Variants in MMRN1 observed in about 807,000 individuals in gnomAD.
MMRN1 encodes the protein multimerin-1.
Under a neutral mutation model 100.7 loss-of-function variants are expected in MMRN1, and 94 were observed. The observed-to-expected ratio is 0.93, with a 90% CI of 0.79 to 1.11. MMRN1 has a LOEUF of 1.11. Ranked by LOEUF, MMRN1 falls within the 50% of genes least tolerant of loss-of-function variation. The pLI is 0.00. For missense variants in MMRN1, 1,606 were observed against 1,439.1 expected (o/e 1.12, Z -1.88); for synonymous variants, 575 against 505.0 (o/e 1.14, Z -1.86).
chr4:89,904,282 A>G (rs1324314732), intron 1 of MMRN1, among the ~76,000 whole-genome samples: 1 of 151,670 alleles, frequency 6.6e-6, no homozygotes, highest in African/African-American at 2.4e-5. Flanking sequence ...TTGTGGTAAA[A>G]TATACATTAA....
rs1160620196 is a variant in MMRN1 at position 89,926,318 on chromosome 4, A to AT, written c.956-1473dup. 6.6e-5 allele frequency among the ~76,000 whole-genome samples: 10 copies of AT among 152,252 alleles called. No individual in the cohort carries two copies. In the East Asian group the frequency reaches 1.9e-3, roughly 29 times the overall value. On this transcript the variant is annotated intron_variant, in intron 4 of 7. Coordinates refer to ENST00000264790, the MANE Select transcript of MMRN1 (RefSeq NM_007351.3). The stretch of plus-strand genomic sequence containing the variant: ...ATTTCCTGTCCTTTGGATATAAGCC[A>AT]TTTTAACTGAGGTGAGATGATATCG...
intron 2 of MMRN1, among the ~76,000 whole-genome samples, chr4:89,909,728 C>T (rs1721688160): frequency 1.3e-5 from 2 of 151,362 alleles, no homozygotes; most frequent in Admixed American, 1.3e-4. Context: ...TCCTTAATTG[C>T]TTATGAATTT....
At chr4:89,887,099 CAT>C (rs879738346) in intron 1 of MMRN1, among the ~76,000 whole-genome samples, 5 of 152,068 alleles carry the variant, frequency 3.3e-5, no homozygotes, top group Middle Eastern at 3.4e-3. Flanking sequence ...TTAAAGAAAA[CAT>C]GTGTATGTTT....
chr4:89,926,123 C>T (rs1384632149), intron 4 of MMRN1, among the ~76,000 whole-genome samples: 12 of 152,010 alleles, frequency 7.9e-5, no homozygotes. Flanking sequence ...TACAGATTTC[C>T]TTTCTTTTGT....
At chr4:89,949,130 C>G (rs901261395) in intron 6 of MMRN1, among the ~76,000 whole-genome samples, 2 of 152,140 alleles carry the variant, frequency 1.3e-5, no homozygotes. Flanking sequence ...AAATAGCAGG[C>G]AGAATCCTTG....
In MMRN1 at chr4:89,923,239, G is replaced by A. The variant is rs1722147371; in HGVS notation, c.922G>A (p.Glu308Lys). ...TACAGCTGTTGGCAGAGGAGTAGCT[G>A]AGCAGCAGCAGCAGCAAGGCTGTGG... ...SHTAVGRGVAEQQQQQGCGDP... is the reference protein window; with the variant it reads ...SHTAVGRGVAKQQQQQGCGDP... Residue 308 changes from glutamate to lysine, a missense_variant, in exon 4 of 8, where the codon GAG (glutamate) becomes AAG (lysine). Physicochemically the swap from Glu to Lys is moderately conservative, Grantham distance 56. Coordinates refer to ENST00000264790, the MANE Select transcript of MMRN1 (RefSeq NM_007351.3). The A allele has an allele frequency of 6.2e-7, 1 of 1,613,656 alleles. No homozygotes were observed. Among genetic ancestry groups the A allele is most frequent in the African/African-American group, 1.3e-5 (1 of 74,908 alleles).
upstream of MMRN1, chr4:89,894,601 G>A (rs1157868320): frequency 5.8e-6 from 1 of 171,520 alleles, no homozygotes; most frequent in East Asian, 1.6e-4. Context: ...TCGTGAACCT[G>A]AAATTTCTCT....
intron 6 of MMRN1, among the ~76,000 whole-genome samples, chr4:89,947,583 A>G (rs1723028046): frequency 6.6e-6 from 1 of 152,192 alleles, no homozygotes; most frequent in African/African-American, 2.4e-5. Flanking sequence ...ACACCAAAGC[A>G]ATTACAGTTG....
At chr4:89,908,857 C>A (rs1721651495) in intron 1 of MMRN1, among the ~76,000 whole-genome samples, 1 of 151,306 alleles carries the variant, frequency 6.6e-6, no homozygotes, top group East Asian at 1.9e-4. Flanking sequence ...TCTTTCTCTT[C>A]TTTTTTGATT....
chr4:89,928,561 G>A (rs1722338444), intron 5 of MMRN1, among the ~76,000 whole-genome samples: 2 of 152,258 alleles, frequency 1.3e-5, no homozygotes. Flanking sequence ...AGGATCAACA[G>A]GATAATCCAT....
intron 4 of MMRN1, among the ~76,000 whole-genome samples, chr4:89,925,302 ATTTTTTTT>A (rs1176427401): frequency 2.9e-4 from 30 of 101,962 alleles, no homozygotes; most frequent in African/African-American, 1.3e-3. Flanking sequence ...TGCCTGGTTA[ATTTTTTTT>A]TTTTTTTTTT....
chr4:89,889,610 G>C (rs907376443), intron 1 of MMRN1, among the ~76,000 whole-genome samples: 2 of 152,074 alleles, frequency 1.3e-5, no homozygotes, highest in African/African-American at 2.4e-5. Flanking sequence ...ATTGTTCACT[G>C]TATTCCCGAG....
chr4:89,912,002 G>A lies in MMRN1; in HGVS notation c.802G>A (p.Asp268Asn), dbSNP rs142127543. 1.5e-3 allele frequency: 2,332 copies of A among 1,604,038 alleles called. 1 individual carries two copies. Among genetic ancestry groups the A allele is most frequent in the Non-Finnish European group, 1.8e-3 (2,098 of 1,174,150 alleles). Residue 268 changes from aspartate to asparagine, a missense_variant, in exon 3 of 8, where the codon GAT becomes AAT. Transcript: ENST00000264790. ...GCAACATAAAATTGTCACCTCATTG[G>A]ATTGGAGGTGCTGTCCTGGATACAG... ...RMQHKIVTSL[D>N]WRCCPGYSGP...
intron 1 of MMRN1, among the ~76,000 whole-genome samples, chr4:89,885,150 C>T (rs1229518029): frequency 7.1e-6 from 1 of 140,638 alleles, no homozygotes; most frequent in Admixed American, 7.0e-5. Context: ...TCCCTTCCTT[C>T]CTTCTTTTTT....
upstream of MMRN1, among the ~76,000 whole-genome samples, chr4:89,890,794 GA>G (rs1263246703): frequency 2.0e-5 from 3 of 152,014 alleles, no homozygotes; most frequent in Admixed American, 6.6e-5. Context: ...ATTTTCTCAT[GA>G]GGGGCATTTG....
At chr4:89,916,951 C>T (rs1026964737) in intron 3 of MMRN1, among the ~76,000 whole-genome samples, 4 of 151,734 alleles carry the variant, frequency 2.6e-5, no homozygotes, top group East Asian at 1.9e-4. Flanking sequence ...TTACCTCTCA[C>T]CTAGGTAAAT....
In MMRN1 at chr4:89,916,722, C is replaced by T. The variant is rs1721932543; in HGVS notation, c.850+4672C>T. ...AGCTTTTCAATTTACTCTCTCCTCTCCTTCTTCTCACTGATTTTAAAGTTT... is the reference window on the plus strand; with the variant it reads ...AGCTTTTCAATTTACTCTCTCCTCTTCTTCTTCTCACTGATTTTAAAGTTT... On this transcript the variant is annotated intron_variant, in intron 3 of 7. Coordinates refer to ENST00000264790, the MANE Select transcript of MMRN1 (RefSeq NM_007351.3). Among the ~76,000 whole-genome samples, 5 of 150,962 alleles carry T rather than the reference C, an allele frequency of 3.3e-5. No individual in the cohort carries two copies. In the South Asian group the frequency reaches 1.0e-3, roughly 31 times the overall value.
chr4:89,940,742 T>C (rs183577548), intron 6 of MMRN1, among the ~76,000 whole-genome samples: 135 of 152,272 alleles, frequency 8.9e-4, no homozygotes, highest in Non-Finnish European at 1.6e-3. Flanking sequence ...AGATAGTGTA[T>C]TAAGTTATTA....
At position 89,953,054 on chromosome 4, in the gene MMRN1, C is replaced by T. The variant is rs764291894; in HGVS notation, c.3323C>T (p.Thr1108Met). 3.3e-5 allele frequency: 54 copies of T among 1,613,408 alleles called. No homozygotes were observed. The highest frequency in any genetic ancestry group is 1.6e-4 in the Middle Eastern group (1 of 6,076). ...ATGGTGGCATTTTTTGCATCTCATA[C>T]GTATGGAATGACTATACCTGGTCCT... ...APMVAFFASH[T>M]YGMTIPGPIL... Residue 1108 changes from threonine (T) to methionine (M), a missense_variant, in exon 8 of 8, where the codon ACG becomes ATG. By Grantham distance (81) the Thr-to-Met change is moderately conservative (BLOSUM62 -1). Transcript: ENST00000264790.
Sources: gnomAD v4.1 joint callset for allele counts (sites outside exome capture counted in the v4.1 genomes callset) on GRCh38, gnomAD v4.1.1 for gene constraint, MANE v1.5 for transcripts, NCBI Gene and HGNC (gene_info 2026-07-23, HGNC 2026-07-21) for gene names.